Variants in POLD3 observed in about 807,000 individuals in gnomAD.
The protein encoded by POLD3 is DNA polymerase delta subunit 3.
In POLD3, 19 loss-of-function variants were observed where a neutral mutation model predicts 58.2. The ratio of observed to expected loss-of-function variants is 0.33; its 90% CI spans 0.23 to 0.48. The LOEUF (loss-of-function observed/expected upper bound fraction) is 0.48, where lower values mean the gene tolerates loss of function less well. Among genes scored for constraint, POLD3 ranks in the 20% least tolerant of loss-of-function variants. The pLI, the probability that POLD3 is intolerant of heterozygous loss-of-function variation, is 0.99. For missense variants in POLD3, 504 were observed against 545.5 expected, an observed-to-expected ratio of 0.92 and a Z score of 0.76; for synonymous variants, 172 against 193.5, an observed-to-expected ratio of 0.89 and a Z score of 0.92.
intron 4 of POLD3, among the ~76,000 whole-genome samples, chr11:74,665,049 G>A (rs1376634436): frequency 1.3e-5 from 2 of 151,772 alleles, no homozygotes; most frequent in South Asian, 2.1e-4. Flanking sequence ...GCAGTGAGCT[G>A]AGACCGCACC....
downstream of POLD3, among the ~76,000 whole-genome samples, chr11:74,647,580 T>C (rs1681974604): frequency 6.6e-6 from 1 of 152,138 alleles, no homozygotes; most frequent in African/African-American, 2.4e-5. Flanking sequence ...AAGAAGAATA[T>C]ATTGGTGCAC....
chr11:74,614,929 G>C (rs1269113438), intron 5 of POLD3, among the ~76,000 whole-genome samples: 1 of 152,196 alleles, frequency 6.6e-6, no homozygotes, highest in Non-Finnish European at 1.5e-5. Flanking sequence ...TGAGAAGCTT[G>C]TGAGAAATCC....
intron 2 of POLD3, among the ~76,000 whole-genome samples, chr11:74,603,688 G>A (rs918090537): frequency 6.6e-6 from 1 of 152,236 alleles, no homozygotes; most frequent in Middle Eastern, 3.4e-3. Context: ...CAGTGAGAGG[G>A]GTAGCAGAAG....
intron 2 of POLD3, among the ~76,000 whole-genome samples, chr11:74,596,753 T>C (rs1591285662): frequency 6.6e-6 from 1 of 152,108 alleles, no homozygotes; most frequent in East Asian, 1.9e-4. Flanking sequence ...GACCCACATC[T>C]CCCCATTCCC....
In POLD3 at chr11:74,634,707, C is replaced by T. The variant is rs751059220; in HGVS notation, c.1119+12C>T. On this transcript the variant is annotated intron_variant, in intron 10 of 11. Transcript: ENST00000263681. ...CTCCTTCTGTCAAGGTAAAATTATACTGGGATTCTTGCATGTCCATGCATC... is the reference window on the plus strand; with the variant it reads ...CTCCTTCTGTCAAGGTAAAATTATATTGGGATTCTTGCATGTCCATGCATC... 6.9e-7 allele frequency: 1 copy of T among 1,450,396 alleles called. No individual in the cohort carries two copies. Among genetic ancestry groups the T allele is most frequent in the Admixed American group, 1.7e-5 (1 of 59,828 alleles). The allele number at this position is 1,450,396 out of a possible 1,614,324, so 89.8% of individuals were successfully genotyped here. A position where few individuals can be genotyped will look rare whatever the true frequency, so the allele number is the denominator to read the frequency against.
rs1554980635 is a variant in POLD3 at position 74,654,849 on chromosome 11, A to AG, written c.370-13928_370-13927insG. On this transcript the variant is annotated intron_variant, in intron 4 of 4. Coordinates refer to the POLD3 transcript ENST00000524752. ...CAGTGACGAACTAACAAAAAGCAAG[A>AG]CAACAATTCAGCTAGCCTGAAGTTG... 2.6e-5 allele frequency among the ~76,000 whole-genome samples: 4 copies of AG among 152,230 alleles called. No homozygotes were observed. In the South Asian group the frequency reaches 8.3e-4, roughly 32 times the overall value.
chr11:74,634,778 T>G (rs11236181), intron 10 of POLD3, 83 bp downstream of exon 10: 74,971 of 798,658 alleles, frequency 0.094, 4,315 homozygotes, highest in African/African-American at 0.19. Context: ...ATTAGTTCCC[T>G]TGCTGTATAC....
At chr11:74,613,037 C>G in intron 5 of POLD3, 27 bp downstream of exon 5, 1 of 1,590,054 alleles carries the variant, frequency 6.3e-7, no homozygotes, top group Non-Finnish European at 8.5e-7. Context: ...TCCTTGTGGG[C>G]TTCTTTACGA....
At chr11:74,632,875 A>ATTACACACACACAC (rs1157307914) in intron 9 of POLD3, among the ~76,000 whole-genome samples, 21 of 59,252 alleles carry the variant, frequency 3.5e-4, no homozygotes, top group African/African-American at 2.8e-3. Flanking sequence ...TATTTAAGTA[A>ATTACACACACACAC]ATACACACAC....
At chr11:74,622,367 A>T (rs1195995415) in intron 7 of POLD3, among the ~76,000 whole-genome samples, 2 of 152,182 alleles carry the variant, frequency 1.3e-5, no homozygotes, top group Non-Finnish European at 2.9e-5. Flanking sequence ...TAAAAAAATA[A>T]AGGGAAAGGA....
chr11:74,593,011 A>C, intron 1 of POLD3: 1 of 1,305,328 alleles, frequency 7.7e-7, no homozygotes, highest in Non-Finnish European at 9.8e-7. Flanking sequence ...TGAGAGTTCT[A>C]AGGCGTCCCT....
intron 2 of POLD3, among the ~76,000 whole-genome samples, chr11:74,599,866 G>A (rs1277991875): frequency 6.6e-6 from 1 of 152,076 alleles, no homozygotes; most frequent in Non-Finnish European, 1.5e-5. Flanking sequence ...TGATCAGGAG[G>A]GAAGATTAAT....
rs1229646702 is a variant in POLD3, at chr11:74,668,647, GGTGA to G, written c.370-127_370-124del. Reference sequence around the variant, plus strand: ...GGTACTACTGAGCTTTCTTAAGCTGGGTGAGTAAGGGGTGGGTGGGAACATTAAA... The same window carrying G: ...GGTACTACTGAGCTTTCTTAAGCTGGGTAAGGGGTGGGTGGGAACATTAAA... On this transcript the variant is annotated intron_variant, in intron 4 of 4. Coordinates refer to the POLD3 transcript ENST00000524752. 4.3e-5 allele frequency: 23 copies of G among 530,296 alleles called. No homozygotes were observed. The Admixed American group carries it at 5.6e-4, about 13-fold the overall frequency. 32.8% of individuals were successfully genotyped at this position (530,296 alleles called of 1,614,324 possible).
At chr11:74,598,458 C>T (rs1049665099) in intron 2 of POLD3, among the ~76,000 whole-genome samples, 1 of 152,150 alleles carries the variant, frequency 6.6e-6, no homozygotes, top group Admixed American at 6.5e-5. Context: ...CAGAAATCAC[C>T]CCAAAATGTA....
intron 9 of POLD3, among the ~76,000 whole-genome samples, chr11:74,630,164 T>A (rs951918679): frequency 1.3e-5 from 2 of 151,954 alleles, no homozygotes; most frequent in African/African-American, 4.8e-5. Context: ...TAAAGAAGAA[T>A]AATGAATGCA....
chr11:74,633,348 C>G (rs2032651554), intron 9 of POLD3, among the ~76,000 whole-genome samples: 2 of 152,178 alleles, frequency 1.3e-5, no homozygotes. Context: ...TTATGTTTCT[C>G]TCTCTTGTTT....
rs1031966281 is a variant in POLD3 at position 74,641,720 on chromosome 11, A to G, written c.*954A>G. 1.0e-6 allele frequency: 1 copy of G among 985,240 alleles called. No individual in the cohort carries two copies. The highest frequency in any genetic ancestry group is 1.7e-5 in the African/African-American group (1 of 57,236). 61.0% of individuals were successfully genotyped at this position (985,240 alleles called of 1,614,324 possible). A position where few individuals can be genotyped will look rare whatever the true frequency, so the allele number is the denominator to read the frequency against. On this transcript the variant is annotated 3_prime_UTR_variant, in exon 12 of 12. Transcript: ENST00000263681. ...TCTCCTTAAGAAAACAGAATATTCA[A>G]AAACAGCACTTTTCCAGGAAGTTAG...
intron 4 of POLD3, among the ~76,000 whole-genome samples, chr11:74,660,481 T>A (rs550043467): frequency 5.3e-5 from 8 of 152,332 alleles, no homozygotes; most frequent in African/African-American, 1.9e-4. Flanking sequence ...CTTGTAGGCA[T>A]GCCTCATTCT....
chr11:74,618,255 G>A (rs369138523), intron 5 of POLD3, among the ~76,000 whole-genome samples: 1 of 151,934 alleles, frequency 6.6e-6, no homozygotes, highest in South Asian at 2.1e-4. Flanking sequence ...TTCAATTAGT[G>A]GTAGAAGGCA....
Sources: allele counts gnomAD v4.1 joint callset (sites outside exome capture counted in the v4.1 genomes callset), GRCh38; gene constraint gnomAD v4.1.1; transcripts MANE v1.5; gene names NCBI Gene and HGNC (gene_info 2026-07-23, HGNC 2026-07-21).